Variants in SLC12A1 observed in about 807,000 individuals in gnomAD.
SLC12A1 encodes the protein solute carrier family 12 member 1, also known as Na-K-2Cl cotransporter.
In SLC12A1, 89 loss-of-function variants were observed where a neutral mutation model predicts 130.4. The ratio of observed to expected loss-of-function variants is 0.68; its 90% CI spans 0.58 to 0.81. The LOEUF (loss-of-function observed/expected upper bound fraction) is 0.81, where lower values mean the gene tolerates loss of function less well. SLC12A1 is among the 40% of genes least tolerant of loss of function. The pLI is 0.00. For synonymous variants in SLC12A1, 499 were observed against 460.0 expected (o/e 1.08, Z -1.09); for missense variants, 1,310 against 1,336.4 (o/e 0.98, Z 0.31).
chr15:48,255,496 C>A (rs116510200), intron 15 of SLC12A1, among the ~76,000 whole-genome samples: 19 of 152,056 alleles, frequency 1.2e-4, no homozygotes, highest in African/African-American at 4.3e-4. Flanking sequence ...AGGGACTGAC[C>A]AGTTTCCCAA....
chr15:48,294,762 C>A, intron 24 of SLC12A1, among the ~76,000 whole-genome samples: 1 of 152,286 alleles, frequency 6.6e-6, no homozygotes, highest in East Asian at 1.9e-4. Flanking sequence ...AGCAATAGGG[C>A]ATAGCTGGCC....
chr15:48,294,038 C>CAA (rs765065568), intron 24 of SLC12A1, among the ~76,000 whole-genome samples: 1 of 110,306 alleles, frequency 9.1e-6, no homozygotes, highest in Admixed American at 1.0e-4. Context: ...GACCCTATCT[C>CAA]AAAAAAAAAA....
In SLC12A1 at chr15:48,295,116, C is replaced by T. The variant is rs1022389259; in HGVS notation, c.2960+3252C>T. 3.4e-5 allele frequency among the ~76,000 whole-genome samples: 5 copies of T among 147,994 alleles called. No individual in the cohort carries two copies. The East Asian group carries it at 9.9e-4, about 29-fold the overall frequency. Reference sequence around the variant, plus strand: ...TGTAAAGAAAAGTCTCACTATGTTGCCCTGACTGGTCTCAAACCCCTGGGC... The same window carrying T: ...TGTAAAGAAAAGTCTCACTATGTTGTCCTGACTGGTCTCAAACCCCTGGGC... On this transcript the variant is annotated intron_variant, in intron 24 of 26. Coordinates refer to ENST00000380993, the MANE Select transcript of SLC12A1 (RefSeq NM_000338.3).
intron 25 of SLC12A1, 132 bp from the exon 26 acceptor site, chr15:48,301,183 C>A: frequency 1.4e-6 from 1 of 709,050 alleles, no homozygotes; most frequent in Non-Finnish European, 2.5e-6. Flanking sequence ...AGTTTCTAAG[C>A]CTGAAAAAGT....
At chr15:48,239,975 G>A (rs1284394596) in intron 9 of SLC12A1, among the ~76,000 whole-genome samples, 1 of 141,602 alleles carries the variant, frequency 7.1e-6, no homozygotes, top group African/African-American at 2.6e-5. Context: ...TGTGTTTTAG[G>A]TATAAGACTG....
Position 48,286,303 on chromosome 15 carries a change from A to T in SLC12A1, c.2629+1054A>T, listed in dbSNP as rs1566856419. Among the ~76,000 whole-genome samples, 6 of 152,256 alleles carry T rather than the reference A, an allele frequency of 3.9e-5. 1 individual carries two copies. In the Middle Eastern group the frequency reaches 0.01, roughly 259 times the overall value. On this transcript the variant is annotated intron_variant, in intron 21 of 26. Transcript: ENST00000380993. ...CTGGCTACTGTCGAGCTCCTGGGATACCCCATGGGCCGTGGCCTACTCCTT... is the reference window on the plus strand; with the variant it reads ...CTGGCTACTGTCGAGCTCCTGGGATTCCCCATGGGCCGTGGCCTACTCCTT...
At chr15:48,241,457 T>G in intron 9 of SLC12A1, 58 bp from the exon 10 acceptor site, 2 of 1,300,388 alleles carry the variant, frequency 1.5e-6, no homozygotes, top group Non-Finnish European at 2.2e-6. Flanking sequence ...TAACTCCAAG[T>G]GATCTATGGT....
intron 5 of SLC12A1, chr15:48,227,017 C>G: frequency 1.9e-6 from 2 of 1,059,634 alleles, no homozygotes; most frequent in Non-Finnish European, 2.8e-6. Context: ...CTGCTGCCTC[C>G]TGAAGTACTG....
intron 5 of SLC12A1, chr15:48,227,111 G>T: frequency 6.4e-7 from 1 of 1,552,242 alleles, no homozygotes; most frequent in East Asian, 2.4e-5. Flanking sequence ...CCTAAGTGTG[G>T]TAGTAACGAC....
intron 17 of SLC12A1, among the ~76,000 whole-genome samples, chr15:48,259,616 G>C (rs1454387801): frequency 1.3e-5 from 2 of 152,156 alleles, no homozygotes; most frequent in Admixed American, 1.3e-4. Context: ...GGCATTTGGG[G>C]TGATAACTGT....
intron 26 of SLC12A1, among the ~76,000 whole-genome samples, chr15:48,301,982 G>C (rs2042237884): frequency 6.6e-6 from 1 of 152,164 alleles, no homozygotes; most frequent in Non-Finnish European, 1.5e-5. Context: ...TATGTATAAA[G>C]ATAAATATAT....
At chr15:48,302,682 A>G in intron 26 of SLC12A1, 68 bp from the exon 27 acceptor site, 1 of 1,083,812 alleles carries the variant, frequency 9.2e-7, no homozygotes, top group Non-Finnish European at 1.3e-6. Context: ...TAGCTCAGAA[A>G]TACTAGTGCC....
intron 7 of SLC12A1, 66 bp downstream of exon 7, chr15:48,230,569 G>A: frequency 1.0e-6 from 1 of 955,092 alleles, no homozygotes. Context: ...TGCAGGAGTA[G>A]AGGGAACTCC....
intron 19 of SLC12A1, 88 bp downstream of exon 19, chr15:48,269,852 T>TG: frequency 4.6e-6 from 3 of 648,332 alleles, no homozygotes; most frequent in Non-Finnish European, 8.2e-6. Context: ...CACTGTTGTG[T>TG]CAGATTAAAT....
chr15:48,274,935 C>G (rs1044462576), intron 20 of SLC12A1, among the ~76,000 whole-genome samples: 3 of 152,196 alleles, frequency 2.0e-5, no homozygotes, highest in Non-Finnish European at 4.4e-5. Flanking sequence ...AAAATAAACA[C>G]CTTCGGTAAA....
Position 48,207,982 on chromosome 15 carries a change from C to T in SLC12A1, c.263C>T (p.Ala88Val), listed in dbSNP as rs1244416270. ...GCTAAAACAGATGCCAGTTTTCACG[C>T]TTATGATTCTCACACAAACACATAC... The part of the protein sequence containing the change: ...ETAKTDASFH[A>V]YDSHTNTYYL... The change falls in exon 2 of 27, where the codon GCT (alanine) becomes GTT (valine). Residue 88 changes from alanine (A) to valine (V), a missense_variant. Coordinates refer to ENST00000380993, the MANE Select transcript of SLC12A1 (RefSeq NM_000338.3). 1.2e-6 allele frequency: 2 copies of T among 1,614,012 alleles called. No individual in the cohort carries two copies. The highest frequency in any genetic ancestry group is 1.7e-6 in the Non-Finnish European group (2 of 1,179,900).
intron 20 of SLC12A1, among the ~76,000 whole-genome samples, chr15:48,279,943 A>G (rs2041993716): frequency 6.6e-6 from 1 of 152,208 alleles, no homozygotes; most frequent in African/African-American, 2.4e-5. Context: ...GGTACAGCAC[A>G]TTGATTCATA....
At chr15:48,270,877 C>T (rs2041891016) in intron 19 of SLC12A1, among the ~76,000 whole-genome samples, 1 of 139,274 alleles carries the variant, frequency 7.2e-6, no homozygotes, top group Non-Finnish European at 1.6e-5. Flanking sequence ...TGGTTTCTTC[C>T]TTTGAATAAG....
intron 16 of SLC12A1, among the ~76,000 whole-genome samples, chr15:48,256,438 G>C (rs2041707613): frequency 6.6e-6 from 1 of 152,044 alleles, no homozygotes; most frequent in Non-Finnish European, 1.5e-5. Context: ...AAGGACAGGG[G>C]GACTGTATTA....
Sources: allele counts gnomAD v4.1 joint callset (sites outside exome capture counted in the v4.1 genomes callset), GRCh38; gene constraint gnomAD v4.1.1; transcripts MANE v1.5; gene names NCBI Gene and HGNC (gene_info 2026-07-23, HGNC 2026-07-21).